Variants in TBC1D3B observed in about 807,000 individuals in gnomAD.
The protein encoded by TBC1D3B is TBC1 domain family member 3B, also known as Rab GTPase-activating protein PRC17 duplicate.
A neutral mutation model predicts 27.1 loss-of-function variants in TBC1D3B; 2 were observed. The observed-to-expected ratio is 0.07, with a 90% CI of 0.03 to 0.23. TBC1D3B has a LOEUF of 0.23. Ranked by LOEUF, TBC1D3B falls within the 10% of genes least tolerant of loss-of-function variation. TBC1D3B has a pLI of 1.00. For synonymous variants in TBC1D3B, 3 were observed against 150.1 expected (o/e 0.02, Z 7.16); for missense variants, 17 against 401.3 (o/e 0.04, Z 8.18).
At chr17:36,170,824 T>G (rs1161059429) in intron 7 of TBC1D3B, among the ~76,000 whole-genome samples, 46 of 86,922 alleles carry the variant, frequency 5.3e-4, no homozygotes, top group African/African-American at 1.2e-3. Context: ...CTGATCCTTT[T>G]CACTCTGAAT....
intron 9 of TBC1D3B, among the ~76,000 whole-genome samples, chr17:36,169,508 G>C (rs1340225081): frequency 6.7e-6 from 1 of 149,836 alleles, no homozygotes; most frequent in Non-Finnish European, 1.5e-5. Context: ...ACAGGGGATG[G>C]GGAGATGCTG....
rs1427299869 is a variant in TBC1D3B, at chr17:36,165,716, G to C, written c.*279C>G. On this transcript the variant is annotated 3_prime_UTR_variant, in exon 14 of 14. Transcript: ENST00000611257. ...GGAAACATTTATTTCAAAACGTGAA[G>C]GTAGTTATCCTTCCATGAGTTTAAA... The C allele has an allele frequency of 3.0e-6, 3 of 1,002,596 alleles. No homozygotes were observed. The highest frequency in any genetic ancestry group is 2.3e-5 in the East Asian group (1 of 43,126). 62.1% of individuals were successfully genotyped at this position (1,002,596 alleles called of 1,614,324 possible).
chr17:36,171,211 G>A (rs1254434741), intron 7 of TBC1D3B, among the ~76,000 whole-genome samples: 4 of 150,078 alleles, frequency 2.7e-5, no homozygotes, highest in African/African-American at 9.7e-5. Context: ...TCCGTTTGAA[G>A]GGAGGACCAG....
chr17:36,169,084 T>G lies in TBC1D3B; in HGVS notation c.758A>C (p.His253Pro). 1 of 1,606,262 alleles carries G rather than the reference T, an allele frequency of 6.2e-7. No individual in the cohort carries two copies. The highest frequency in any genetic ancestry group is 2.1e-4 in the Middle Eastern group (1 of 4,738). Residue 253 changes from histidine to proline, a missense_variant, in exon 10 of 14, where the codon CAT (histidine) becomes CCT (proline). Physicochemically the swap from His to Pro is moderately conservative, Grantham distance 77. Transcript: ENST00000611257. ...VATSQSKTMG[H>P]QDKKDLCGQC... ...CTGAGGGGACCATAAACTCACCTGA[T>G]GCCCCATGGTCTTGGATTGTGACGT...
At chr17:36,167,060 C>T (rs1213537139) in intron 13 of TBC1D3B, among the ~76,000 whole-genome samples, 18 of 106,556 alleles carry the variant, frequency 1.7e-4, no homozygotes, top group African/African-American at 3.6e-4. Context: ...CGGGGTCCCG[C>T]CTGTGCCCTC....
chr17:36,165,990 T>C lies in TBC1D3B; in HGVS notation c.*5A>G, dbSNP rs2068245599. The C allele has an allele frequency of 8.7e-7, 1 of 1,149,544 alleles. No homozygotes were observed. Among genetic ancestry groups the C allele is most frequent in the Non-Finnish European group, 1.3e-6 (1 of 790,414 alleles). The allele number at this position is 1,149,544 out of a possible 1,614,324, so 71.2% of individuals were successfully genotyped here. ...ATCCAGCCATGAGCCCTGGCCCAGA[T>C]GCTTCTAGAAGCCTGGAGGGAACTG... is the stretch of plus-strand genomic sequence containing the variant. On this transcript the variant is annotated 3_prime_UTR_variant, in exon 14 of 14. Coordinates refer to ENST00000611257, the MANE Select transcript of TBC1D3B (RefSeq NM_001001417.7).
At position 36,172,292 on chromosome 17, in the gene TBC1D3B, AC is replaced by A. The variant is rs1372540532; in HGVS notation, c.387+1del. On this transcript the variant is annotated splice_donor_variant, in intron 6 of 13. Transcript: ENST00000611257. LOFTEE classifies it high-confidence loss of function. ...TGTTTGTTGTGCTCTGGCTGAGCGT[AC>A]CTGGTATCTTCCGGGGTTTTTCAAC... 1.5e-4 allele frequency: 196 copies of A among 1,286,558 alleles called. 2 individuals are homozygous for A. Among genetic ancestry groups the A allele is most frequent in the Non-Finnish European group, 1.9e-4 (165 of 880,666 alleles). 79.7% of individuals were successfully genotyped at this position (1,286,558 alleles called of 1,614,324 possible). A position where few individuals can be genotyped will look rare whatever the true frequency, so the allele number is the denominator to read the frequency against.
At chr17:36,167,319 T>C (rs1373790353) in intron 13 of TBC1D3B, among the ~76,000 whole-genome samples, 1 of 51,318 alleles carries the variant, frequency 1.9e-5, no homozygotes, top group East Asian at 3.3e-4. Flanking sequence ...TGGAGGGTCT[T>C]GCCCACATCC....
intron 9 of TBC1D3B, 40 bp from the exon 10 acceptor site, chr17:36,169,214 C>T (rs2068308435): frequency 1.3e-6 from 2 of 1,583,586 alleles, no homozygotes; most frequent in Admixed American, 1.7e-5. Flanking sequence ...AGAGCCTTCC[C>T]CCAAGATGTG....
intron 9 of TBC1D3B, among the ~76,000 whole-genome samples, 182 bp downstream of exon 9, chr17:36,169,709 C>T (rs2068322880): frequency 9.7e-6 from 1 of 102,870 alleles, no homozygotes; most frequent in African/African-American, 3.3e-5. Context: ...TGACAGGCGT[C>T]TGATTTGGGC....
At chr17:36,168,959 G>C (rs1334786178) in intron 10 of TBC1D3B, 121 bp downstream of exon 10, 1 of 957,356 alleles carries the variant, frequency 1.0e-6, no homozygotes, top group Admixed American at 1.8e-5. Flanking sequence ...CAACGTCCCA[G>C]GTCAGGCCCT....
chr17:36,174,643 T>C, intron 3 of TBC1D3B, 88 bp downstream of exon 3: 1 of 168,116 alleles, frequency 5.9e-6, no homozygotes, highest in South Asian at 4.2e-5. Context: ...GTGAGACATG[T>C]CCTGCGTCAG....
intron 7 of TBC1D3B, among the ~76,000 whole-genome samples, chr17:36,171,008 TG>T (rs1688246129): frequency 1.6e-5 from 1 of 64,496 alleles, no homozygotes; most frequent in Non-Finnish European, 5.6e-5. Flanking sequence ...AGCCTCTCCC[TG>T]ATCCGTCAGC....
intron 9 of TBC1D3B, among the ~76,000 whole-genome samples, chr17:36,169,455 G>A (rs1212951187): frequency 4.7e-5 from 7 of 149,804 alleles, no homozygotes; most frequent in Non-Finnish European, 9.0e-5. Flanking sequence ...GGTGGGCGCT[G>A]GGCTTCCCGG....
chr17:36,172,071 A>T (rs1295366532), intron 6 of TBC1D3B, 107 bp from the exon 7 acceptor site: 1 of 643,782 alleles, frequency 1.6e-6, no homozygotes, highest in African/African-American at 1.8e-5. Context: ...GAAGGACAGA[A>T]GGAAGGTTTC....
At chr17:36,171,422 A>G (rs1326584823) in intron 7 of TBC1D3B, among the ~76,000 whole-genome samples, 1,023 of 143,204 alleles carry the variant, frequency 7.1e-3, no homozygotes, top group African/African-American at 0.026. Context: ...CTGGCTGCCA[A>G]CGTGGCTGTG....
At chr17:36,171,520 G>A (rs1407254182) in intron 7 of TBC1D3B, among the ~76,000 whole-genome samples, 6 of 151,254 alleles carry the variant, frequency 4.0e-5, no homozygotes, top group South Asian at 2.1e-4. Flanking sequence ...TGCCTGGGGG[G>A]GCTCATGGGC....
chr17:36,169,484 G>A (rs2068316648), intron 9 of TBC1D3B, among the ~76,000 whole-genome samples: 2 of 150,066 alleles, frequency 1.3e-5, no homozygotes, highest in South Asian at 4.2e-4. Context: ...TGGTAGTGGG[G>A]TCGGGCCAGG....
chr17:36,171,455 C>A (rs2068354183), intron 7 of TBC1D3B, among the ~76,000 whole-genome samples: 1 of 151,066 alleles, frequency 6.6e-6, no homozygotes, highest in Admixed American at 6.6e-5. Context: ...CCCAGCGGAC[C>A]TGGATGAGAG....
Sources: gnomAD v4.1 joint callset for allele counts (sites outside exome capture counted in the v4.1 genomes callset) on GRCh38, gnomAD v4.1.1 for gene constraint, MANE v1.5 for transcripts, NCBI Gene and HGNC (gene_info 2026-07-23, HGNC 2026-07-21) for gene names.